PCDHGA4: variants seen among roughly 807,000 people sequenced by gnomAD.
The protein encoded by PCDHGA4 is protocadherin gamma-A4.
In PCDHGA4, 38 loss-of-function variants were observed where a neutral mutation model predicts 54.6. The observed-to-expected ratio is 0.70, with a 90% CI of 0.54 to 0.91. PCDHGA4 has a LOEUF of 0.91. Ranked by LOEUF, PCDHGA4 falls within the 40% of genes least tolerant of loss-of-function variation. PCDHGA4 has a pLI of 0.00. For missense variants in PCDHGA4, 1,298 were observed against 1,220.9 expected, an observed-to-expected ratio of 1.06 and a Z score of -0.94; for synonymous variants, 511 against 512.9, an observed-to-expected ratio of 1.00 and a Z score of 0.05.
chr5:141,361,248 G>C (rs376049174), intron 1 of PCDHGA4: 2 of 1,613,840 alleles, frequency 1.2e-6, no homozygotes, highest in African/African-American at 2.7e-5. Context: ...TGATAAAAAC[G>C]AGAGACAGAG....
At chr5:141,481,860 G>A (rs1379910129) in intron 1 of PCDHGA4, among the ~76,000 whole-genome samples, 1 of 148,492 alleles carries the variant, frequency 6.7e-6, no homozygotes, top group Non-Finnish European at 1.5e-5. Context: ...GTTGCAGTGA[G>A]CCGAGATCGC....
At chr5:141,361,645 T>C (rs1384236598) in intron 1 of PCDHGA4, 6 of 1,613,820 alleles carry the variant, frequency 3.7e-6, no homozygotes, top group Non-Finnish European at 5.1e-6. Context: ...GATTTTATCC[T>C]ACGTGTCCGT....
intron 1 of PCDHGA4, chr5:141,377,170 T>C (rs1773747669): frequency 1.3e-5 from 2 of 152,264 alleles, no homozygotes; most frequent in Non-Finnish European, 2.9e-5. Context: ...TTTACCTTTC[T>C]CTTCTTGGCA....
chr5:141,423,447 T>C (rs1347619382), intron 1 of PCDHGA4: 1 of 1,613,880 alleles, frequency 6.2e-7, no homozygotes, highest in Admixed American at 1.7e-5. Context: ...CCACGTCACA[T>C]TTTGTAGGCG....
chr5:141,356,433 C>A lies in PCDHGA4; in HGVS notation c.1326C>A (p.Asp442Glu). ...YYRLLTHRTL[D>E]REEVSEYNIT... ...GGTTGTTGACACACAGAACACTGGA[C>A]AGGGAAGAAGTCTCAGAATATAACA... Residue 442 changes from aspartate (D) to glutamate (E), a missense_variant, in exon 1 of 4, where the codon GAC (aspartate) becomes GAA (glutamate). Transcript: ENST00000571252. The A allele has an allele frequency of 6.2e-7, 1 of 1,610,210 alleles. No homozygotes were observed. Among genetic ancestry groups the A allele is most frequent in the Non-Finnish European group, 8.5e-7 (1 of 1,177,800 alleles).
intron 1 of PCDHGA4, among the ~76,000 whole-genome samples, chr5:141,381,821 TTC>T (rs1354203071): frequency 5.5e-5 from 7 of 126,128 alleles, no homozygotes; most frequent in African/African-American, 2.4e-4. Context: ...TCTTTCTTTC[TTC>T]TTCTTTTTTT....
chr5:141,407,676 T>C (rs990367714), intron 1 of PCDHGA4, among the ~76,000 whole-genome samples: 1 of 152,162 alleles, frequency 6.6e-6, no homozygotes, highest in African/African-American at 2.4e-5. Flanking sequence ...TAAACAAAGA[T>C]TGGCTTTGTG....
At chr5:141,379,452 A>G (rs1775607962) in intron 1 of PCDHGA4, 1 of 152,242 alleles carries the variant, frequency 6.6e-6, no homozygotes, top group Non-Finnish European at 1.5e-5. Flanking sequence ...TGATTATTTC[A>G]TAAACTCTGA....
At position 141,447,418 on chromosome 5, in the gene PCDHGA4, G is replaced by A. The variant is rs113957183; in HGVS notation, c.2515-47389G>A. On this transcript the variant is annotated intron_variant, in intron 1 of 3. Transcript: ENST00000571252. ...CTCCCAAAGTGCTGGGATTACAGGC[G>A]TGAGCCACCGCACCCGGAGGAAATT... Among the ~76,000 whole-genome samples, 1,263 of 152,230 alleles carry A rather than the reference G, an allele frequency of 8.3e-3. 17 individuals carry two copies. The highest frequency in any genetic ancestry group is 0.029 in the African/African-American group (1,197 of 41,538).
chr5:141,403,909 A>G (rs2094466419), intron 1 of PCDHGA4: 1 of 1,613,946 alleles, frequency 6.2e-7, no homozygotes, highest in East Asian at 2.2e-5. Context: ...AAATGGAAAT[A>G]CAAGCTGAAG....
At chr5:141,405,582 C>T in intron 1 of PCDHGA4, 3 of 589,180 alleles carry the variant, frequency 5.1e-6, no homozygotes, top group African/African-American at 1.9e-5. Context: ...GTAGCTGGGA[C>T]TACAGGCCTC....
rs139156138 is a variant in PCDHGA4 at position 141,472,179 on chromosome 5, T to C, written c.2515-22628T>C. 5.1e-4 allele frequency among the ~76,000 whole-genome samples: 77 copies of C among 152,246 alleles called. 4 individuals are homozygous for C. The East Asian group carries it at 0.014, about 27-fold the overall frequency. On this transcript the variant is annotated intron_variant, in intron 1 of 3. Coordinates refer to ENST00000571252, the MANE Select transcript of PCDHGA4 (RefSeq NM_018917.4). ...TAGCTACTAGGTGTAATATCCAGTATTGGAATTTGAATCTTTTTGACACTA... is the reference window on the plus strand; with the variant it reads ...TAGCTACTAGGTGTAATATCCAGTACTGGAATTTGAATCTTTTTGACACTA...
chr5:141,426,513 CG>C, intron 1 of PCDHGA4: 1 of 341,148 alleles, frequency 2.9e-6, no homozygotes, highest in Non-Finnish European at 5.8e-6. Flanking sequence ...AATACTTTAC[CG>C]TGAACACGGA....
chr5:141,446,821 T>G (rs183143971), intron 1 of PCDHGA4, among the ~76,000 whole-genome samples: 2 of 152,184 alleles, frequency 1.3e-5, no homozygotes, highest in South Asian at 4.1e-4. Context: ...GTCAGATGGG[T>G]AGATCCTTAT....
At chr5:141,398,079 G>A (rs1409220171) in intron 1 of PCDHGA4, 9 of 1,596,334 alleles carry the variant, frequency 5.6e-6, no homozygotes, top group Middle Eastern at 3.8e-4. Context: ...GAGGTTATTT[G>A]TAACCTGGCG....
chr5:141,476,078 C>G lies in PCDHGA4; in HGVS notation c.2515-18729C>G. On this transcript the variant is annotated intron_variant, in intron 1 of 3. Transcript: ENST00000571252. The surrounding 1 kb of genome is among the most constrained non-coding windows in gnomAD (Gnocchi z 7.6). ...AAGTTTCTCAGCGAAATCTCAGGGA[C>G]GATCTGGACCCCGCTGAGAGGAACT... is the stretch of plus-strand genomic sequence containing the variant. 1 of 1,528,034 alleles carries G rather than the reference C, an allele frequency of 6.5e-7. No homozygotes were observed. 94.7% of individuals were successfully genotyped at this position (1,528,034 alleles called of 1,614,324 possible).
intron 1 of PCDHGA4, among the ~76,000 whole-genome samples, chr5:141,492,418 C>T (rs1428695013): frequency 2.0e-5 from 3 of 152,236 alleles, no homozygotes; most frequent in Admixed American, 1.3e-4. Flanking sequence ...CCGCTCCCTC[C>T]GCCGGGCTCA....
rs116140192 is a variant in PCDHGA4, at chr5:141,497,400, A to C, written c.2573+2535A>C. Among the ~76,000 whole-genome samples, 87 of 152,110 alleles carry C rather than the reference A, an allele frequency of 5.7e-4. 1 individual carries two copies. Among genetic ancestry groups the C allele is most frequent in the African/African-American group, 2.0e-3 (82 of 41,484 alleles). ...GGGGTGAGCACCTTACCCCTGCCTCAACTCCCATTCCATCAAATGAGAGGC... is the reference window on the plus strand; with the variant it reads ...GGGGTGAGCACCTTACCCCTGCCTCCACTCCCATTCCATCAAATGAGAGGC... On this transcript the variant is annotated intron_variant, in intron 2 of 3. Coordinates refer to ENST00000571252, the MANE Select transcript of PCDHGA4 (RefSeq NM_018917.4).
chr5:141,413,533 C>G, intron 1 of PCDHGA4: 1 of 1,613,934 alleles, frequency 6.2e-7, no homozygotes, highest in Non-Finnish European at 8.5e-7. Flanking sequence ...CAGGGTGAAA[C>G]TTTTTGGGAT....
Sources: gnomAD v4.1 joint callset for allele counts (sites outside exome capture counted in the v4.1 genomes callset) on GRCh38, gnomAD v4.1.1 for gene constraint, Gnocchi (gnomAD v3.1) non-coding constraint, MANE v1.5 for transcripts, NCBI Gene and HGNC (gene_info 2026-07-23, HGNC 2026-07-21) for gene names.